SNX13: variants seen among roughly 807,000 people sequenced by gnomAD.
SNX13 encodes the protein sorting nexin 13.
A neutral mutation model predicts 133.6 loss-of-function variants in SNX13; 45 were observed. The ratio of observed to expected loss-of-function variants is 0.34; its 90% CI spans 0.27 to 0.43. The LOEUF is 0.43. Ranked by LOEUF, SNX13 falls within the 20% of genes least tolerant of loss-of-function variation. The probability of loss-of-function intolerance (pLI) is 1.00; values close to 1 mark genes in which losing one functional copy is unlikely to be tolerated. For synonymous variants in SNX13, 414 were observed against 373.9 expected, an observed-to-expected ratio of 1.11 and a Z score of -1.24; for missense variants, 1,032 against 1,145.1, an observed-to-expected ratio of 0.90 and a Z score of 1.43.
intron 1 of SNX13, chr7:17,898,950 C>G (rs1488397630): frequency 6.6e-6 from 1 of 152,214 alleles, no homozygotes; most frequent in East Asian, 1.9e-4. Flanking sequence ...GAAGTTTCTG[C>G]TCTGCCTCCA....
At chr7:17,857,886 C>T (rs989751529) in intron 9 of SNX13, among the ~76,000 whole-genome samples, 3 of 152,022 alleles carry the variant, frequency 2.0e-5, no homozygotes, top group Non-Finnish European at 2.9e-5. Flanking sequence ...ATATGAAAAT[C>T]GATAAGCATA....
intron 12 of SNX13, among the ~76,000 whole-genome samples, chr7:17,845,359 G>C (rs765405579): frequency 1.3e-5 from 2 of 152,130 alleles, no homozygotes; most frequent in African/African-American, 2.4e-5. Context: ...CAGAATGATG[G>C]TTGCAGGGGT....
chr7:17,934,059 T>C (rs989705471), intron 1 of SNX13, among the ~76,000 whole-genome samples: 2 of 152,218 alleles, frequency 1.3e-5, no homozygotes, highest in African/African-American at 2.4e-5. Context: ...TGTTGCCATA[T>C]GTATAATTTG....
intron 9 of SNX13, among the ~76,000 whole-genome samples, chr7:17,867,665 G>A (rs1210085286): frequency 6.6e-6 from 1 of 151,866 alleles, no homozygotes; most frequent in Non-Finnish European, 1.5e-5. Flanking sequence ...GTCTGACAAT[G>A]CCTAAGGGAA....
At chr7:17,859,049 T>C (rs1331269154) in intron 9 of SNX13, among the ~76,000 whole-genome samples, 1 of 152,060 alleles carries the variant, frequency 6.6e-6, no homozygotes, top group Non-Finnish European at 1.5e-5. Context: ...AAGGATTTCC[T>C]AGAGAAGACC....
intron 9 of SNX13, among the ~76,000 whole-genome samples, chr7:17,864,495 A>C (rs1002342980): frequency 1.3e-5 from 2 of 152,168 alleles, no homozygotes; most frequent in African/African-American, 2.4e-5. Flanking sequence ...CAAATGAAGC[A>C]TACCCACAAG....
chr7:17,826,748 G>T (rs1787954844), intron 16 of SNX13, among the ~76,000 whole-genome samples: 1 of 152,006 alleles, frequency 6.6e-6, no homozygotes, highest in Non-Finnish European at 1.5e-5. Flanking sequence ...GACTCAAAAT[G>T]AATCTTTTAT....
In SNX13 at chr7:17,794,117, T is replaced by G; in HGVS notation, c.2802A>C (p.Ser934=). The G allele has an allele frequency of 6.2e-7, 1 of 1,611,756 alleles. No individual in the cohort carries two copies. ...KFRELFNKLH[S]RSKQMQKYKQ... ...TATATTTCTGCATCTGCTTTGACCGTGAATGCAGTTTGTTGAAAAGTTCAC... is the reference window on the plus strand; with the variant it reads ...TATATTTCTGCATCTGCTTTGACCGGGAATGCAGTTTGTTGAAAAGTTCAC... The change falls in exon 26 of 26, where the codon TCA becomes TCC. Residue 934 remains serine (S), a synonymous_variant. Transcript: ENST00000428135.
At chr7:17,848,001 A>T (rs1790749805) in intron 11 of SNX13, among the ~76,000 whole-genome samples, 1 of 152,206 alleles carries the variant, frequency 6.6e-6, no homozygotes, top group African/African-American at 2.4e-5. Context: ...CAAGCCAAAA[A>T]GCCTGAGCCC....
At chr7:17,887,891 G>A (rs1227736135) in intron 5 of SNX13, among the ~76,000 whole-genome samples, 3 of 151,752 alleles carry the variant, frequency 2.0e-5, no homozygotes, top group Admixed American at 6.6e-5. Flanking sequence ...CAGGTTTGTG[G>A]GCCCCTGTTA....
intron 1 of SNX13, among the ~76,000 whole-genome samples, chr7:17,935,859 T>C (rs574988230): frequency 6.6e-5 from 10 of 152,312 alleles, no homozygotes; most frequent in African/African-American, 2.2e-4. Flanking sequence ...ATTGAAGAAA[T>C]AGCTTATATA....
intron 9 of SNX13, among the ~76,000 whole-genome samples, chr7:17,867,693 T>C (rs893283312): frequency 7.3e-5 from 11 of 151,584 alleles, no homozygotes; most frequent in African/African-American, 2.7e-4. Context: ...AACAATCAAG[T>C]AATTCTTTCT....
rs1481727672 is a variant in SNX13 at position 17,792,929 on chromosome 7, G to A, written c.*1116C>T. The A allele has an allele frequency of 1.3e-5, 2 of 152,088 alleles. No homozygotes were observed. The highest frequency in any genetic ancestry group is 3.0e-5 in the Non-Finnish European group (2 of 67,780). 9.4% of individuals were successfully genotyped at this position (152,088 alleles called of 1,614,324 possible). On this transcript the variant is annotated 3_prime_UTR_variant, in exon 26 of 26. Transcript: ENST00000428135. ...GGGTCTTGCCTACTAGCTTTATTTT[G>A]TAGAACTTTACATTATGTGAAATAT...
intron 5 of SNX13, among the ~76,000 whole-genome samples, chr7:17,887,894 C>T (rs2127989230): frequency 6.6e-6 from 1 of 151,118 alleles, no homozygotes; most frequent in Non-Finnish European, 1.5e-5. Context: ...GTTTGTGGGC[C>T]CCTGTTAAGA....
chr7:17,919,817 T>C (rs567555527), intron 1 of SNX13, among the ~76,000 whole-genome samples: 1 of 152,116 alleles, frequency 6.6e-6, no homozygotes, highest in Non-Finnish European at 1.5e-5. Context: ...TATAAAAATG[T>C]ATGTCACTCA....
intron 1 of SNX13, among the ~76,000 whole-genome samples, chr7:17,916,512 G>A (rs1414980518): frequency 1.3e-5 from 2 of 151,974 alleles, no homozygotes; most frequent in Non-Finnish European, 2.9e-5. Flanking sequence ...AAGATCCTCA[G>A]ACTACTATAA....
intron 1 of SNX13, chr7:17,907,143 A>G (rs1449944478): frequency 1.3e-5 from 2 of 152,246 alleles, no homozygotes; most frequent in Non-Finnish European, 2.9e-5. Context: ...AGAAACAACA[A>G]GACCTCAGCA....
intron 15 of SNX13, chr7:17,831,489 A>C (rs1788481986): frequency 1.0e-6 from 1 of 983,882 alleles, no homozygotes; most frequent in African/African-American, 1.8e-5. Context: ...TAGTAAGCAC[A>C]AGCAAGCCAA....
intron 9 of SNX13, among the ~76,000 whole-genome samples, chr7:17,859,744 C>T (rs549235258): frequency 3.3e-5 from 5 of 152,240 alleles, no homozygotes; most frequent in African/African-American, 1.2e-4. Context: ...AAAGAGGGAT[C>T]ATGCAGTATT....
Sources: allele counts gnomAD v4.1 joint callset (sites outside exome capture counted in the v4.1 genomes callset), GRCh38; gene constraint gnomAD v4.1.1; transcripts MANE v1.5; gene names NCBI Gene and HGNC (gene_info 2026-07-23, HGNC 2026-07-21).